The following AUTS2 variants were observed in gnomAD, a reference collection of about 807,000 sequenced individuals.
AUTS2 encodes the protein activator of transcription and developmental regulator AUTS2, also known as autism susceptibility gene 2 protein.
AUTS2 carries 17 observed loss-of-function variants against 112.4 expected under a neutral mutation model. That is an observed-to-expected ratio of 0.15 (90% CI 0.10 to 0.23). The LOEUF (loss-of-function observed/expected upper bound fraction) is 0.23, where lower values mean the gene tolerates loss of function less well. AUTS2 is among the 10% of genes least tolerant of loss of function. The pLI, the probability that AUTS2 is intolerant of heterozygous loss-of-function variation, is 1.00. For synonymous variants in AUTS2, 751 were observed against 702.7 expected (o/e 1.07, Z -1.09); for missense variants, 1,510 against 1,701.6 (o/e 0.89, Z 1.98).
intron 5 of AUTS2, among the ~76,000 whole-genome samples, chr7:70,531,856 C>T (rs1007911630): frequency 4.6e-5 from 7 of 152,194 alleles, no homozygotes; most frequent in Non-Finnish European, 8.8e-5. Flanking sequence ...CAAAACTTAG[C>T]GACTTTAAAC....
intron 4 of AUTS2, among the ~76,000 whole-genome samples, chr7:70,250,154 T>C (rs1437069192): frequency 2.0e-5 from 3 of 152,110 alleles, no homozygotes; most frequent in Non-Finnish European, 4.4e-5. Context: ...CTTCTCTTTA[T>C]GAAGCCATTG....
chr7:70,179,947 T>C (rs1584841029), intron 4 of AUTS2, among the ~76,000 whole-genome samples: 1 of 152,324 alleles, frequency 6.6e-6, no homozygotes. Context: ...TGAGTAGTGG[T>C]CACAGGAGCT....
chr7:70,548,517 C>T (rs565721863), intron 5 of AUTS2, among the ~76,000 whole-genome samples: 3 of 152,146 alleles, frequency 2.0e-5, no homozygotes, highest in East Asian at 1.9e-4. Context: ...AGACTTTCTT[C>T]TAAGAAGTTT....
At chr7:69,689,323 TTTAA>T (rs1169112465) in intron 1 of AUTS2, among the ~76,000 whole-genome samples, 4 of 150,772 alleles carry the variant, frequency 2.7e-5, no homozygotes, top group East Asian at 1.9e-4. Flanking sequence ...CTCCTTACCT[TTTAA>T]TTAATTAATT....
intron 2 of AUTS2, among the ~76,000 whole-genome samples, chr7:70,102,607 A>G (rs1253848845): frequency 6.6e-6 from 1 of 152,112 alleles, no homozygotes; most frequent in African/African-American, 2.4e-5. Context: ...TTTTAAATAA[A>G]TGGGCTAGTC....
chr7:69,869,872 G>A (rs1283947026), intron 1 of AUTS2, among the ~76,000 whole-genome samples: 1 of 152,186 alleles, frequency 6.6e-6, no homozygotes, highest in Non-Finnish European at 1.5e-5. Context: ...AATGAAGTGA[G>A]CAGCAGGTAC....
intron 2 of AUTS2, among the ~76,000 whole-genome samples, chr7:70,076,669 G>A (rs779835748): frequency 1.3e-5 from 2 of 152,198 alleles, no homozygotes; most frequent in Non-Finnish European, 2.9e-5. Flanking sequence ...ATAGCCTGAT[G>A]AAGAGAGAGA....
intron 1 of AUTS2, among the ~76,000 whole-genome samples, chr7:69,792,704 TCTACGAGA>T (rs1380874352): frequency 6.6e-6 from 1 of 152,146 alleles, no homozygotes; most frequent in East Asian, 1.9e-4. Context: ...TCTTAGTGAA[TCTACGAGA>T]CTGAGTATCT....
At chr7:69,624,142 T>A (rs906137581) in intron 1 of AUTS2, among the ~76,000 whole-genome samples, 3 of 152,240 alleles carry the variant, frequency 2.0e-5, no homozygotes, top group Non-Finnish European at 2.9e-5. Flanking sequence ...ATATTAAGAT[T>A]ACGTTCTAAG....
intron 1 of AUTS2, among the ~76,000 whole-genome samples, chr7:69,759,441 G>A (rs1025805961): frequency 2.6e-5 from 4 of 152,108 alleles, no homozygotes; most frequent in Non-Finnish European, 5.9e-5. Flanking sequence ...AGCTGCTCAT[G>A]TGAGTCCAGT....
At chr7:69,765,172 C>G (rs1052743974) in intron 1 of AUTS2, among the ~76,000 whole-genome samples, 1 of 152,124 alleles carries the variant, frequency 6.6e-6, no homozygotes, top group Non-Finnish European at 1.5e-5. Context: ...TGTAGCAATC[C>G]AAAATTGTCA....
chr7:69,939,906 G>A (rs1796557176), intron 2 of AUTS2, among the ~76,000 whole-genome samples: 1 of 152,172 alleles, frequency 6.6e-6, no homozygotes, highest in Admixed American at 6.5e-5. Context: ...CTGTGTATTT[G>A]ACATTGCATG....
intron 5 of AUTS2, among the ~76,000 whole-genome samples, chr7:70,582,241 C>G (rs1046404333): frequency 3.9e-5 from 6 of 152,186 alleles, no homozygotes; most frequent in African/African-American, 1.4e-4. Flanking sequence ...AAGCCTCACA[C>G]AGGCTGTCTT....
chr7:69,654,269 T>G (rs1795418336), intron 1 of AUTS2, among the ~76,000 whole-genome samples: 1 of 152,194 alleles, frequency 6.6e-6, no homozygotes, highest in South Asian at 2.1e-4. Flanking sequence ...TCTTGCTTGA[T>G]CTAGCTCCTA....
intron 5 of AUTS2, among the ~76,000 whole-genome samples, chr7:70,553,760 CTTTTTTTTTTTTTT>C: frequency 1.8e-5 from 1 of 56,116 alleles, no homozygotes; most frequent in African/African-American, 7.6e-5. Flanking sequence ...GCCTTTCTTT[CTTTTTTTTTTTTTT>C]TTTTTTTTTT....
intron 2 of AUTS2, among the ~76,000 whole-genome samples, chr7:70,105,570 T>C (rs1012545322): frequency 1.3e-5 from 2 of 152,196 alleles, no homozygotes; most frequent in African/African-American, 4.8e-5. Flanking sequence ...ATTTGTTTTA[T>C]GTAGTGGGCA....
At chr7:70,091,558 A>T (rs887037093) in intron 2 of AUTS2, among the ~76,000 whole-genome samples, 1 of 152,138 alleles carries the variant, frequency 6.6e-6, no homozygotes, top group Non-Finnish European at 1.5e-5. Flanking sequence ...GGAAAAGAAC[A>T]TTGTCTGTTT....
intron 1 of AUTS2, among the ~76,000 whole-genome samples, chr7:69,812,056 CA>C (rs1790568099): frequency 6.6e-6 from 1 of 152,110 alleles, no homozygotes; most frequent in Non-Finnish European, 1.5e-5. Flanking sequence ...GGGAGTTTTC[CA>C]AGAAGCAATA....
chr7:70,363,596 T>G (rs1253669594), intron 4 of AUTS2, among the ~76,000 whole-genome samples: 2 of 152,132 alleles, frequency 1.3e-5, no homozygotes, highest in African/African-American at 4.8e-5. Flanking sequence ...ACCCAAATAT[T>G]CTGGTTTGCT....
Sources: gnomAD v4.1 joint callset for allele counts (sites outside exome capture counted in the v4.1 genomes callset) on GRCh38, gnomAD v4.1.1 for gene constraint, MANE v1.5 for transcripts, NCBI Gene and HGNC (gene_info 2026-07-23, HGNC 2026-07-21) for gene names.